The following NPC1 variants were observed in gnomAD, a reference collection of about 807,000 sequenced individuals.
NPC1 encodes the protein NPC intracellular cholesterol transporter 1, also known as Niemann-Pick C1 protein.
NPC1 carries 85 observed loss-of-function variants against 140.4 expected under a neutral mutation model. That is an observed-to-expected ratio of 0.61 (90% CI 0.51 to 0.72). The LOEUF is 0.72. Among genes scored for constraint, NPC1 ranks in the 30% least tolerant of loss-of-function variants. The pLI, the probability that NPC1 is intolerant of heterozygous loss-of-function variation, is 0.00. For synonymous variants in NPC1, 656 were observed against 624.8 expected, an observed-to-expected ratio of 1.05 and a Z score of -0.74; for missense variants, 1,504 against 1,623.8, an observed-to-expected ratio of 0.93 and a Z score of 1.27.
rs1369381932 is a variant in NPC1, at chr18:23,533,537, G to A, written c.3592-20C>T. ...GAACACCTAAAAGAAGAGATACTGT[G>A]TTAGAAACCACTTTTACCAACCTGT... is the stretch of plus-strand genomic sequence containing the variant. On this transcript the variant is annotated intron_variant, in intron 23 of 24. Coordinates refer to ENST00000269228, the MANE Select transcript of NPC1 (RefSeq NM_000271.5). The A allele has an allele frequency of 6.2e-7, 1 of 1,612,804 alleles. No homozygotes were observed. The highest frequency in any genetic ancestry group is 2.2e-5 in the East Asian group (1 of 44,890).
At chr18:23,559,517 G>A (rs1384299255) in intron 6 of NPC1, among the ~76,000 whole-genome samples, 1 of 12,342 alleles carries the variant, frequency 8.1e-5, no homozygotes. Context: ...TTTTTTTTTT[G>A]GTGAGACACA....
intron 3 of NPC1, among the ~76,000 whole-genome samples, chr18:23,515,426 A>T (rs1280577846): frequency 6.6e-6 from 1 of 152,236 alleles, no homozygotes; most frequent in Non-Finnish European, 1.5e-5. Flanking sequence ...GTTAAGTAGT[A>T]GCTGTAATAA....
At chr18:23,530,686 C>T (rs1255077435), downstream of NPC1, 7 of 1,426,332 alleles carry the variant, frequency 4.9e-6, no homozygotes, top group African/African-American at 2.9e-5. Flanking sequence ...AGCTGGTGGG[C>T]GAGGACCCTG....
downstream of NPC1, chr18:23,526,559 G>T: frequency 6.5e-7 from 1 of 1,542,978 alleles, no homozygotes; most frequent in Non-Finnish European, 8.8e-7. Context: ...CCGCCCCGCA[G>T]ATGTTTAGGG....
intron 4 of NPC1, among the ~76,000 whole-genome samples, chr18:23,566,888 AC>A (rs2059133806): frequency 6.6e-6 from 1 of 152,142 alleles, no homozygotes. Flanking sequence ...TACTGTCTCC[AC>A]GGTTTTGCCT....
intron 3 of NPC1, chr18:23,515,807 A>G: frequency 1.2e-6 from 2 of 1,610,336 alleles, no homozygotes; most frequent in Non-Finnish European, 1.7e-6. Flanking sequence ...TGCTGGGATT[A>G]GTTTGCCGTT....
exon 2 of NPC1, chr18:23,522,759 C>T (rs1413198481): frequency 1.3e-5 from 2 of 152,324 alleles, no homozygotes; most frequent in Non-Finnish European, 2.9e-5. Context: ...GTCTGGGGAT[C>T]TAGGTAGTGT....
In NPC1 at chr18:23,543,339, A is replaced by G; in HGVS notation, c.2245+116T>C. On this transcript the variant is annotated intron_variant, in intron 14 of 24. Coordinates refer to ENST00000269228, the MANE Select transcript of NPC1 (RefSeq NM_000271.5). ...GTGAGACTCCGTCTCAGAGAAAAAA[A>G]AAAAAAAGAAAAAAAAAAAAAGGAA... is the stretch of plus-strand genomic sequence containing the variant. 4 of 680,022 alleles carry G rather than the reference A, an allele frequency of 5.9e-6. No individual in the cohort carries two copies. The Admixed American group carries it at 9.7e-5, about 17-fold the overall frequency. The allele number at this position is 680,022 out of a possible 1,614,324, so 42.1% of individuals were successfully genotyped here. A position where few individuals can be genotyped will look rare whatever the true frequency, so the allele number is the denominator to read the frequency against.
chr18:23,534,199 C>T, intron 23 of NPC1: 1 of 590,298 alleles, frequency 1.7e-6, no homozygotes, highest in Non-Finnish European at 3.0e-6. Context: ...TGCCAGCTGT[C>T]TCATGTTTAA....
At chr18:23,527,665 T>TATTGTATTTCTTA (rs2058345551), downstream of NPC1, 1 of 583,554 alleles carries the variant, frequency 1.7e-6, no homozygotes, top group East Asian at 3.1e-5. Context: ...GTCTTTAAAG[T>TATTGTATTTCTTA]AGAGTGTCCT....
chr18:23,525,420 T>A (rs769252151), downstream of NPC1, among the ~76,000 whole-genome samples: 134 of 151,766 alleles, frequency 8.8e-4, no homozygotes, highest in Admixed American at 1.9e-3. Flanking sequence ...GTTAATTTAT[T>A]ATAATAATAA....
At chr18:23,567,361 T>C (rs1017841216) in intron 4 of NPC1, among the ~76,000 whole-genome samples, 4 of 152,224 alleles carry the variant, frequency 2.6e-5, no homozygotes, top group African/African-American at 9.6e-5. Context: ...ATCTCGTTGT[T>C]TTAATTTGTA....
rs1278544505 is a variant in NPC1, at chr18:23,531,889, T to C, written c.*313A>G. On this transcript the variant is annotated 3_prime_UTR_variant, in exon 25 of 25. Transcript: ENST00000269228. ...AGACAGACAGTGCATTGATTGGCCT[T>C]TACAGAGTGTCAGTGAGCGGATCAC... 26 of 1,421,060 alleles carry C rather than the reference T, an allele frequency of 1.8e-5. No individual in the cohort carries two copies. In the East Asian group the frequency reaches 3.7e-4, roughly 20 times the overall value. The allele number at this position is 1,421,060 out of a possible 1,614,324, so 88.0% of individuals were successfully genotyped here.
downstream of NPC1, chr18:23,531,336 A>C (rs1434801047): frequency 5.7e-6 from 2 of 350,870 alleles, no homozygotes; most frequent in Non-Finnish European, 9.8e-6. Flanking sequence ...CTAAGACATC[A>C]TCTTTAGGAT....
At chr18:23,535,849 G>A in intron 21 of NPC1, 149 bp from the exon 22 acceptor site, 2 of 695,872 alleles carry the variant, frequency 2.9e-6, no homozygotes, top group South Asian at 3.1e-5. Flanking sequence ...CTCACCGAAA[G>A]CAACTCACTT....
intron 4 of NPC1, among the ~76,000 whole-genome samples, chr18:23,562,829 AT>A (rs2059063608): frequency 6.6e-6 from 1 of 152,118 alleles, no homozygotes; most frequent in Admixed American, 6.6e-5. Flanking sequence ...TCTACAAAAA[AT>A]AAAAAAATAA....
chr18:23,584,899 G>GGAA (rs2059397940), intron 1 of NPC1, among the ~76,000 whole-genome samples: 3 of 152,130 alleles, frequency 2.0e-5, no homozygotes, highest in Admixed American at 6.5e-5. Flanking sequence ...TAAAACTCTA[G>GGAA]GAGGGGCCAG....
In NPC1 at chr18:23,544,943, A is replaced by AAACCCCCCCCCCCC. The variant is rs2058763448; in HGVS notation, c.1947+16_1947+17insGGGGGGGGGGGGTT. The AAACCCCCCCCCCCC allele has an allele frequency of 1.3e-6, 1 of 783,212 alleles. No homozygotes were observed. Among genetic ancestry groups the AAACCCCCCCCCCCC allele is most frequent in the Non-Finnish European group, 1.8e-6 (1 of 540,984 alleles). The allele number at this position is 783,212 out of a possible 1,614,324, so 48.5% of individuals were successfully genotyped here. ...GCTGTTAACCTCTAGAACATACACC[A>AAACCCCCCCCCCCC]CCCCCCCCCGGCTTACCAGAAGCCT... On this transcript the variant is annotated intron_variant, in intron 12 of 24. Transcript: ENST00000269228.
At chr18:23,569,244 T>G (rs2059168702) in intron 3 of NPC1, among the ~76,000 whole-genome samples, 1 of 152,240 alleles carries the variant, frequency 6.6e-6, no homozygotes, top group Non-Finnish European at 1.5e-5. Context: ...AGAGAGATGC[T>G]TCTCTGAATT....
Sources: allele counts gnomAD v4.1 joint callset (sites outside exome capture counted in the v4.1 genomes callset), GRCh38; gene constraint gnomAD v4.1.1; transcripts MANE v1.5; gene names NCBI Gene and HGNC (gene_info 2026-07-23, HGNC 2026-07-21).